FRMD4B: variants seen among roughly 807,000 people sequenced by gnomAD.
FRMD4B encodes FERM domain-containing protein 4B.
FRMD4B carries 74 observed loss-of-function variants against 141.5 expected under a neutral mutation model. The ratio of observed to expected loss-of-function variants is 0.52; its 90% confidence interval spans 0.43 to 0.63. The LOEUF is 0.63. Ranked by LOEUF, FRMD4B falls within the 30% of genes least tolerant of loss-of-function variation. The pLI is 0.00. For missense variants in FRMD4B, 1,366 were observed against 1,253.4 expected, an observed-to-expected ratio of 1.09 and a Z score of -1.36; for synonymous variants, 506 against 467.9, an observed-to-expected ratio of 1.08 and a Z score of -1.05.
chr3:69,356,648 A>G (rs1160627587), intron 1 of FRMD4B, among the ~76,000 whole-genome samples: 1 of 148,826 alleles, frequency 6.7e-6, no homozygotes, highest in Non-Finnish European at 1.5e-5. Context: ...ATATACATAT[A>G]TATATAATAT....
intron 2 of FRMD4B, among the ~76,000 whole-genome samples, chr3:69,312,883 C>T (rs1432984619): frequency 6.1e-5 from 5 of 81,632 alleles, no homozygotes; most frequent in African/African-American, 2.8e-4. Flanking sequence ...AGCAAGACTC[C>T]GTCTGAAAAA....
intron 7 of FRMD4B, among the ~76,000 whole-genome samples, chr3:69,247,166 G>C (rs1464785273): frequency 6.7e-6 from 1 of 149,486 alleles, no homozygotes; most frequent in Non-Finnish European, 1.5e-5. Context: ...CTATAAGCCA[G>C]ATGTTGCCCT....
At chr3:69,260,671 C>T (rs926096996) in intron 5 of FRMD4B, among the ~76,000 whole-genome samples, 34 of 152,252 alleles carry the variant, frequency 2.2e-4, no homozygotes, top group African/African-American at 7.0e-4. Flanking sequence ...AAACTCTGCC[C>T]GCAGCCCCAG....
chr3:69,523,113 A>G (rs1465712013), intron 1 of FRMD4B, among the ~76,000 whole-genome samples: 1 of 144,738 alleles, frequency 6.9e-6, no homozygotes, highest in African/African-American at 2.6e-5. Context: ...GCCATATAAT[A>G]ACAAGTGAAA....
chr3:69,308,688 C>A (rs927869624), intron 3 of FRMD4B, among the ~76,000 whole-genome samples: 10 of 152,100 alleles, frequency 6.6e-5, no homozygotes, highest in African/African-American at 2.2e-4. Flanking sequence ...GATCTGACTG[C>A]CTCAGCCTCC....
intron 1 of FRMD4B, among the ~76,000 whole-genome samples, chr3:69,461,007 T>C (rs558176703): frequency 6.6e-6 from 1 of 152,314 alleles, no homozygotes; most frequent in South Asian, 2.1e-4. Context: ...ATGCATCACA[T>C]TTGGATATTA....
intron 1 of FRMD4B, among the ~76,000 whole-genome samples, chr3:69,351,666 C>CA (rs1231722905): frequency 6.6e-6 from 1 of 152,104 alleles, no homozygotes; most frequent in African/African-American, 2.4e-5. Flanking sequence ...GGAAATTAGG[C>CA]AAAATCATCC....
At chr3:69,431,429 G>C (rs12054106) in intron 2 of FRMD4B, among the ~76,000 whole-genome samples, 102,367 of 152,024 alleles carry the variant, frequency 0.67, 35,033 homozygotes, top group East Asian at 0.85. Context: ...TCTTCCACTT[G>C]CCCAACATCT....
At chr3:69,305,384 G>A (rs952909401) in intron 3 of FRMD4B, among the ~76,000 whole-genome samples, 3 of 152,162 alleles carry the variant, frequency 2.0e-5, no homozygotes, top group African/African-American at 4.8e-5. Context: ...ACAAGGGAAG[G>A]TCCTTAGAAC....
chr3:69,525,416 G>A (rs1489904095), intron 1 of FRMD4B, among the ~76,000 whole-genome samples: 2 of 152,154 alleles, frequency 1.3e-5, no homozygotes, highest in African/African-American at 4.8e-5. Flanking sequence ...TCAGAGGGAT[G>A]GAGTCACTGT....
At position 69,181,605 on chromosome 3, in the gene FRMD4B, G is replaced by C. The variant is rs1229016233; in HGVS notation, c.2145C>G (p.Ser715=). The stretch of plus-strand genomic sequence containing the variant: ...CTGTGCTGCTGCTTCTTTGGGATTT[G>C]GAGAGGGAGAAAAATGGCTTATCGC... ...MDSDKPFFSL[S]KSQRSSSTEI... is the part of the protein sequence containing the mutation. The change falls in exon 21 of 23, where the codon TCC becomes TCG. Residue 715 remains serine, a synonymous_variant. Transcript: ENST00000398540. The C allele has an allele frequency of 2.5e-6, 4 of 1,613,674 alleles. No homozygotes were observed. Among genetic ancestry groups the C allele is most frequent in the Admixed American group, 3.3e-5 (2 of 60,010 alleles).
chr3:69,249,997 GAACA>G (rs1214010399), intron 6 of FRMD4B, 42 bp downstream of exon 6: 11 of 1,316,782 alleles, frequency 8.4e-6, no homozygotes, highest in African/African-American at 4.4e-5. Flanking sequence ...TAACAAAAAC[GAACA>G]AACACAAGGG....
intron 1 of FRMD4B, among the ~76,000 whole-genome samples, chr3:69,378,456 CCA>C (rs1704031291): frequency 6.6e-6 from 1 of 152,188 alleles, no homozygotes; most frequent in Admixed American, 6.5e-5. Context: ...AACCAAGCTT[CCA>C]GCCAACCAGT....
chr3:69,361,763 A>C (rs1362212879), intron 1 of FRMD4B, among the ~76,000 whole-genome samples: 3 of 152,180 alleles, frequency 2.0e-5, no homozygotes, highest in Admixed American at 6.5e-5. Context: ...AATGGAAATC[A>C]GTTGTTCTCA....
At chr3:69,376,037 A>G (rs1385445556) in intron 1 of FRMD4B, among the ~76,000 whole-genome samples, 1 of 152,196 alleles carries the variant, frequency 6.6e-6, no homozygotes, top group African/African-American at 2.4e-5. Context: ...AAACTTACTG[A>G]AAGAAAAATA....
At chr3:69,224,049 G>A (rs987007980) in intron 8 of FRMD4B, among the ~76,000 whole-genome samples, 4 of 152,060 alleles carry the variant, frequency 2.6e-5, no homozygotes, top group African/African-American at 9.7e-5. Context: ...GATTCAGACT[G>A]AAACCAAGGA....
intron 7 of FRMD4B, among the ~76,000 whole-genome samples, chr3:69,246,373 T>C (rs772593108): frequency 1.3e-5 from 2 of 152,060 alleles, no homozygotes; most frequent in Non-Finnish European, 2.9e-5. Context: ...AAAGAACTGA[T>C]TGAGCCAGGA....
chr3:69,504,682 T>C (rs190625734), intron 1 of FRMD4B, among the ~76,000 whole-genome samples: 1 of 152,340 alleles, frequency 6.6e-6, no homozygotes, highest in Admixed American at 6.5e-5. Context: ...GGAACAGATA[T>C]ACCACATTTT....
intron 11 of FRMD4B, among the ~76,000 whole-genome samples, chr3:69,205,890 A>G (rs1253434926): frequency 6.6e-6 from 1 of 152,230 alleles, no homozygotes; most frequent in Non-Finnish European, 1.5e-5. Context: ...TCTTTCAACT[A>G]TGCCTGTTCA....
Sources: gnomAD v4.1 joint callset for allele counts (sites outside exome capture counted in the v4.1 genomes callset) on GRCh38, gnomAD v4.1.1 for gene constraint, MANE v1.5 for transcripts, NCBI Gene and HGNC (gene_info 2026-07-23, HGNC 2026-07-21) for gene names.